The following PRKD1 variants were observed in gnomAD, a reference collection of about 807,000 sequenced individuals.
The protein encoded by PRKD1 is protein kinase D1.
PRKD1 carries 63 observed loss-of-function variants against 95.9 expected under a neutral mutation model. The observed-to-expected ratio is 0.66, with a 90% CI of 0.54 to 0.81. The LOEUF (loss-of-function observed/expected upper bound fraction) is 0.81. Ranked by LOEUF, PRKD1 falls within the 30% of genes least tolerant of loss-of-function variation. The pLI is 0.00. For missense variants in PRKD1, 1,048 were observed against 1,165.3 expected (o/e 0.90, Z 1.47); for synonymous variants, 425 against 423.1 (o/e 1.00, Z -0.05).
rs537394892 is a variant in PRKD1, at chr14:29,642,544, T to C, written c.697-3640A>G. Among the ~76,000 whole-genome samples the C allele has an allele frequency of 4.6e-5, 7 of 152,312 alleles. 1 individual carries two copies. The South Asian group carries it at 6.2e-4, about 14-fold the overall frequency. ...CGAATCATAATGCTGACAGAAATAA[T>C]TGGAACTGTTTGCATGAAATGTATT... On this transcript the variant is annotated intron_variant, in intron 4 of 17. Coordinates refer to ENST00000331968, the MANE Select transcript of PRKD1 (RefSeq NM_002742.3).
intron 5 of PRKD1, 57 bp downstream of exon 5, chr14:29,638,637 C>G: frequency 6.2e-7 from 1 of 1,611,998 alleles, no homozygotes; most frequent in Non-Finnish European, 8.5e-7. Context: ...CCAGAAAATA[C>G]TTATGTCAGA....
chr14:29,867,217 A>T (rs1892940163), intron 1 of PRKD1, among the ~76,000 whole-genome samples: 1 of 152,198 alleles, frequency 6.6e-6, no homozygotes, highest in South Asian at 2.1e-4. Context: ...AAGCAAATAA[A>T]TGTATGTTTA....
At chr14:29,613,902 A>C (rs568235431) in intron 13 of PRKD1, among the ~76,000 whole-genome samples, 3 of 152,328 alleles carry the variant, frequency 2.0e-5, no homozygotes, top group African/African-American at 7.2e-5. Flanking sequence ...GGTTTTAAGA[A>C]AATCTATTTT....
At chr14:29,871,075 C>A (rs1006034756) in intron 1 of PRKD1, among the ~76,000 whole-genome samples, 4 of 152,218 alleles carry the variant, frequency 2.6e-5, no homozygotes, top group Admixed American at 2.6e-4. Flanking sequence ...AATCGCTCAT[C>A]TGCCCAGGAT....
intron 1 of PRKD1, among the ~76,000 whole-genome samples, chr14:29,926,166 C>A (rs142498205): frequency 3.4e-4 from 52 of 152,332 alleles, no homozygotes; most frequent in African/African-American, 1.2e-3. Flanking sequence ...CAATTCACAA[C>A]CCTTAAGATT....
At chr14:29,756,623 G>T (rs1887711824) in intron 1 of PRKD1, among the ~76,000 whole-genome samples, 1 of 152,216 alleles carries the variant, frequency 6.6e-6, no homozygotes, top group Non-Finnish European at 1.5e-5. Flanking sequence ...ACTAGAACCA[G>T]TGTGGACACT....
intron 16 of PRKD1, among the ~76,000 whole-genome samples, chr14:29,583,452 A>T (rs1892813622): frequency 6.6e-6 from 1 of 152,068 alleles, no homozygotes; most frequent in South Asian, 2.1e-4. Flanking sequence ...GGCAGTGGCT[A>T]GTTCCTCCTT....
chr14:29,714,355 A>T (rs1885490260), intron 2 of PRKD1, among the ~76,000 whole-genome samples: 1 of 152,240 alleles, frequency 6.6e-6, no homozygotes, highest in African/African-American at 2.4e-5. Flanking sequence ...CAAACATGAA[A>T]AATGCTTATC....
In PRKD1 at chr14:29,855,437, A is replaced by G. The variant is rs529941628; in HGVS notation, c.264+71812T>C. Among the ~76,000 whole-genome samples, 18 of 152,184 alleles carry G rather than the reference A, an allele frequency of 1.2e-4. No homozygotes were observed. The South Asian group carries it at 3.5e-3, about 30-fold the overall frequency. On this transcript the variant is annotated intron_variant, in intron 1 of 17. Transcript: ENST00000331968. ...GTCTTTAGCCCCTTTGTTTTGACCA[A>G]TTTCTCCCATGTGGAAGAGCTGTAT...
intron 1 of PRKD1, among the ~76,000 whole-genome samples, chr14:29,762,704 C>T (rs970460824): frequency 4.6e-5 from 7 of 152,218 alleles, no homozygotes; most frequent in Non-Finnish European, 1.0e-4. Flanking sequence ...ATATAACTCC[C>T]TATGCCTGTG....
At chr14:29,656,617 A>C in intron 4 of PRKD1, 3 of 1,194,214 alleles carry the variant, frequency 2.5e-6, no homozygotes, top group Non-Finnish European at 3.6e-6. Context: ...AATGTTTCAT[A>C]TAGGCATGCT....
chr14:29,669,284 TG>T (rs1882704780), intron 2 of PRKD1, among the ~76,000 whole-genome samples: 2 of 152,338 alleles, frequency 1.3e-5, no homozygotes, highest in South Asian at 4.1e-4. Context: ...GAAAAGTCAT[TG>T]GTTTTTCAAC....
In PRKD1 at chr14:29,656,396, T is replaced by C. The variant is rs1389913200; in HGVS notation, c.696+7303A>G. On this transcript the variant is annotated intron_variant, in intron 4 of 17. Coordinates refer to ENST00000331968, the MANE Select transcript of PRKD1 (RefSeq NM_002742.3). Reference sequence around the variant, plus strand: ...ATTCTCATAAAGTCAGTACAGACAATTGTCTGATGTCAGCGTAATATGCTG... The same window carrying C: ...ATTCTCATAAAGTCAGTACAGACAACTGTCTGATGTCAGCGTAATATGCTG... 1.2e-5 allele frequency: 16 copies of C among 1,360,636 alleles called. No individual in the cohort carries two copies. In the Admixed American group the frequency reaches 3.2e-4, roughly 27 times the overall value. 84.3% of individuals were successfully genotyped at this position (1,360,636 alleles called of 1,614,324 possible). A position where few individuals can be genotyped will look rare whatever the true frequency, so the allele number is the denominator to read the frequency against.
chr14:29,618,648 G>A (rs889740116), intron 13 of PRKD1, among the ~76,000 whole-genome samples: 2 of 152,144 alleles, frequency 1.3e-5, no homozygotes, highest in African/African-American at 4.8e-5. Flanking sequence ...GGCATGAGAT[G>A]TAAATGATAT....
At chr14:29,748,767 G>T (rs1311098841) in intron 1 of PRKD1, among the ~76,000 whole-genome samples, 5 of 152,030 alleles carry the variant, frequency 3.3e-5, no homozygotes, top group Non-Finnish European at 7.4e-5. Context: ...GAAAATTAAA[G>T]AAATAAAGAT....
At chr14:29,851,998 C>T (rs113341231) in intron 1 of PRKD1, among the ~76,000 whole-genome samples, 3,915 of 152,264 alleles carry the variant, frequency 0.026, 65 homozygotes, top group Non-Finnish European at 0.039. Flanking sequence ...CCACATACTT[C>T]ATGTTCTCAC....
chr14:29,636,304 G>T lies in PRKD1; in HGVS notation c.1176C>A (p.Ala392=). The part of the protein sequence containing the change: ...MQDPDPDHED[A]NRTISPSTSN... ...GCTGCTCTCACCTGATGGTTCTGTT[G>T]GCGTCCTCGTGGTCTGGGTCTGGAT... The change falls in exon 7 of 18, where the codon GCC becomes GCA. Residue 392 remains alanine, a synonymous_variant. Transcript: ENST00000331968. The T allele has an allele frequency of 6.2e-7, 1 of 1,614,204 alleles. No homozygotes were observed. Among genetic ancestry groups the T allele is most frequent in the African/African-American group, 1.3e-5 (1 of 75,054 alleles).
At chr14:29,711,335 C>T (rs750309830) in intron 2 of PRKD1, among the ~76,000 whole-genome samples, 4 of 152,178 alleles carry the variant, frequency 2.6e-5, no homozygotes, top group African/African-American at 4.8e-5. Flanking sequence ...CCTAAGAATA[C>T]ATGGACTTAA....
At chr14:29,604,221 T>C (rs777531659) in intron 13 of PRKD1, among the ~76,000 whole-genome samples, 8 of 152,236 alleles carry the variant, frequency 5.3e-5, no homozygotes, top group Non-Finnish European at 8.8e-5. Context: ...TAATATTCTT[T>C]AAGTCTAACA....
Sources: allele counts gnomAD v4.1 joint callset (sites outside exome capture counted in the v4.1 genomes callset), GRCh38; gene constraint gnomAD v4.1.1; transcripts MANE v1.5; gene names NCBI Gene and HGNC (gene_info 2026-07-23, HGNC 2026-07-21).